GALNT13: variants seen among roughly 807,000 people sequenced by gnomAD.
GALNT13 encodes the protein polypeptide N-acetylgalactosaminyltransferase 13, also known as UDP-GalNAc:polypeptide N-acetylgalactosaminyltransferase 13.
A neutral mutation model predicts 64.2 loss-of-function variants in GALNT13; 28 were observed. That is an observed-to-expected ratio of 0.44 (90% CI 0.32 to 0.60). The LOEUF is 0.60. Ranked by LOEUF, GALNT13 falls within the 20% of genes least tolerant of loss-of-function variation. The pLI is 0.05. For synonymous variants in GALNT13, 214 were observed against 224.6 expected, an observed-to-expected ratio of 0.95 and a Z score of 0.42; for missense variants, 577 against 669.8, an observed-to-expected ratio of 0.86 and a Z score of 1.53.
the GALNT13 span, among the ~76,000 whole-genome samples, chr2:153,404,472 A>T: frequency 7.0e-3 from 1,060 of 152,290 alleles, 11 homozygotes; most frequent in African/African-American, 0.022. Context: ...CTTTGCTGTT[A>T]GAAGCTTTCT....
At chr2:153,416,287 T>G in the GALNT13 span, among the ~76,000 whole-genome samples, 8 of 152,194 alleles carry the variant, frequency 5.3e-5, no homozygotes, top group Non-Finnish European at 7.4e-5. Flanking sequence ...GTCTCATAGG[T>G]CTCTTCCAGA....
the GALNT13 span, among the ~76,000 whole-genome samples, chr2:153,125,937 T>A: frequency 6.6e-6 from 1 of 152,056 alleles, no homozygotes; most frequent in East Asian, 1.9e-4. Flanking sequence ...TAGAGACTGG[T>A]GGAGAAAAAA....
the GALNT13 span, among the ~76,000 whole-genome samples, chr2:153,337,027 C>T: frequency 2.6e-5 from 4 of 152,100 alleles, no homozygotes; most frequent in Non-Finnish European, 4.4e-5. Flanking sequence ...TGCCTCCTAC[C>T]ATGATTCTGA....
At chr2:153,485,986 G>C in the GALNT13 span, among the ~76,000 whole-genome samples, 1 of 152,116 alleles carries the variant, frequency 6.6e-6, no homozygotes, top group Non-Finnish European at 1.5e-5. Flanking sequence ...ACCCAGAGCT[G>C]GAGTGCAATG....
At chr2:154,198,886 A>G (rs1687023192) in intron 4 of GALNT13, among the ~76,000 whole-genome samples, 1 of 152,002 alleles carries the variant, frequency 6.6e-6, no homozygotes. Flanking sequence ...CAGTTACTAG[A>G]GTAATATAGC....
At chr2:153,878,499 G>C (rs757566637) in intron 1 of GALNT13, among the ~76,000 whole-genome samples, 2 of 152,150 alleles carry the variant, frequency 1.3e-5, no homozygotes, top group Non-Finnish European at 2.9e-5. Context: ...TTGGACCTAG[G>C]AAAGATGCTA....
At chr2:154,131,075 G>T (rs1197904059) in intron 3 of GALNT13, among the ~76,000 whole-genome samples, 1 of 152,144 alleles carries the variant, frequency 6.6e-6, no homozygotes, top group African/African-American at 2.4e-5. Flanking sequence ...GCCATTGCAA[G>T]ATAAGGGCCT....
At chr2:153,739,546 A>T in the GALNT13 span, among the ~76,000 whole-genome samples, 2 of 130,912 alleles carry the variant, frequency 1.5e-5, no homozygotes, top group African/African-American at 2.7e-5. Flanking sequence ...TAATGTATTT[A>T]TTTTTATTTA....
At chr2:153,086,499 T>A in the GALNT13 span, among the ~76,000 whole-genome samples, 1 of 152,174 alleles carries the variant, frequency 6.6e-6, no homozygotes, top group Non-Finnish European at 1.5e-5. Flanking sequence ...TCATGAAATC[T>A]GACGGTTTCC....
In GALNT13 at chr2:154,409,000, C is replaced by A; in HGVS notation, c.1313C>A (p.Thr438Asn). The A allele has an allele frequency of 6.2e-7, 1 of 1,608,038 alleles. No individual in the cohort carries two copies. The highest frequency in any genetic ancestry group is 1.7e-5 in the Admixed American group (1 of 59,692). The stretch of plus-strand genomic sequence containing the variant: ...TTCCTTTAGATAAGAAATGTTGAAA[C>A]CAATCAGTGTTTAGACAACATGGGC... The part of the protein sequence containing the change: ...YSLGEIRNVE[T>N]NQCLDNMGRK... The change falls in exon 11 of 13, where the codon ACC becomes AAC. Residue 438 changes from threonine to asparagine, a missense_variant. This residue lies in a region of GALNT13 where 232 missense variants were observed against 270.6 expected (regional missense o/e 0.86). Coordinates refer to ENST00000392825, the MANE Select transcript of GALNT13 (RefSeq NM_052917.4).
At chr2:153,762,773 T>A in the GALNT13 span, 1 of 151,292 alleles carries the variant, frequency 6.6e-6, no homozygotes, top group African/African-American at 2.4e-5. Context: ...TTCGGCCCGG[T>A]GAACTGAAGC....
At chr2:153,271,653 G>A in the GALNT13 span, among the ~76,000 whole-genome samples, 1 of 152,172 alleles carries the variant, frequency 6.6e-6, no homozygotes, top group Admixed American at 6.5e-5. Context: ...TATGCTCATG[G>A]ATAGGAAGAA....
chr2:153,149,941 A>G, the GALNT13 span, among the ~76,000 whole-genome samples: 1 of 151,822 alleles, frequency 6.6e-6, no homozygotes, highest in African/African-American at 2.4e-5. Flanking sequence ...TTGCCTGAAA[A>G]TAATGTCTTT....
At chr2:153,715,352 C>T in the GALNT13 span, among the ~76,000 whole-genome samples, 490 of 152,306 alleles carry the variant, frequency 3.2e-3, 4 homozygotes, top group East Asian at 0.04. Context: ...TCAGAGGTAG[C>T]GGCTGATTGC....
At chr2:153,580,171 G>C in the GALNT13 span, among the ~76,000 whole-genome samples, 2 of 152,210 alleles carry the variant, frequency 1.3e-5, no homozygotes, top group East Asian at 3.9e-4. Context: ...CATGGCTCCG[G>C]AGGTAAAAAT....
the GALNT13 span, among the ~76,000 whole-genome samples, chr2:153,209,937 T>C: frequency 6.6e-6 from 1 of 152,174 alleles, no homozygotes; most frequent in South Asian, 2.1e-4. Flanking sequence ...TTGTAAGTGA[T>C]ATTTTAACAA....
chr2:153,661,443 AC>A, the GALNT13 span, among the ~76,000 whole-genome samples: 2 of 152,206 alleles, frequency 1.3e-5, no homozygotes, highest in Non-Finnish European at 2.9e-5. Flanking sequence ...AAGGCATATC[AC>A]ATCCCCAAGT....
At chr2:153,741,853 T>G in the GALNT13 span, among the ~76,000 whole-genome samples, 1 of 152,134 alleles carries the variant, frequency 6.6e-6, no homozygotes, top group Non-Finnish European at 1.5e-5. Context: ...TTATTATAAA[T>G]TGACAGATCA....
the GALNT13 span, among the ~76,000 whole-genome samples, chr2:153,430,362 A>G: frequency 6.6e-6 from 1 of 152,094 alleles, no homozygotes; most frequent in Admixed American, 6.6e-5. Flanking sequence ...CTGTTGTAGC[A>G]TAATTAGATA....
Sources: allele counts gnomAD v4.1 joint callset (sites outside exome capture counted in the v4.1 genomes callset), GRCh38; gene constraint gnomAD v4.1.1; regional missense constraint gnomAD v4.1.1; transcripts MANE v1.5; gene names NCBI Gene and HGNC (gene_info 2026-07-23, HGNC 2026-07-21).